The following RNF44 variants were observed in gnomAD, a reference collection of about 807,000 sequenced individuals.
The protein encoded by RNF44 is ring finger protein 44.
Under a neutral mutation model 53.6 loss-of-function variants are expected in RNF44, and 25 were observed. The ratio of observed to expected loss-of-function variants is 0.47; its 90% CI spans 0.34 to 0.65. The LOEUF is 0.65. RNF44 is among the 30% of genes least tolerant of loss of function. The pLI is 0.01. For synonymous variants in RNF44, 282 were observed against 252.2 expected, an observed-to-expected ratio of 1.12 and a Z score of -1.12; for missense variants, 581 against 595.5, an observed-to-expected ratio of 0.98 and a Z score of 0.25.
At position 176,528,930 on chromosome 5, in the gene RNF44, G is replaced by A. The variant is rs1195768449; in HGVS notation, c.*98C>T. ...CTGGAAATGCAGGCAGGAGCGAAGG[G>A]GCAGGCCTGGGCCACTCCCTCCCCA... On this transcript the variant is annotated 3_prime_UTR_variant, in exon 11 of 11. Coordinates refer to ENST00000274811, the MANE Select transcript of RNF44 (RefSeq NM_014901.5). The A allele has an allele frequency of 3.4e-6, 4 of 1,169,534 alleles. No homozygotes were observed. In the East Asian group the frequency reaches 7.2e-5, roughly 21 times the overall value. 72.4% of individuals were successfully genotyped at this position (1,169,534 alleles called of 1,614,324 possible). A position where few individuals can be genotyped will look rare whatever the true frequency, so the allele number is the denominator to read the frequency against.
intron 1 of RNF44, 22 bp from the exon 2 acceptor site, chr5:176,532,538 A>G (rs1756793008): frequency 2.0e-6 from 3 of 1,464,576 alleles, no homozygotes; most frequent in Non-Finnish European, 2.7e-6. Flanking sequence ...GGAGACAAGA[A>G]GACTGAGGCA....
chr5:176,531,070 G>A lies in RNF44; in HGVS notation c.466-49C>T. On this transcript the variant is annotated intron_variant, in intron 4 of 10. Coordinates refer to ENST00000274811, the MANE Select transcript of RNF44 (RefSeq NM_014901.5). This position sits in a 1 kb window ranked among gnomAD's most constrained non-coding sequence, Gnocchi z 4.2. ...CTGAGAACGTTCTCCTGGGCTCTGGGCCAGGTCTACGCCATGCCACCCAGC... is the reference window on the plus strand; with the variant it reads ...CTGAGAACGTTCTCCTGGGCTCTGGACCAGGTCTACGCCATGCCACCCAGC... The A allele has an allele frequency of 2.2e-6, 3 of 1,353,958 alleles. No homozygotes were observed. Among genetic ancestry groups the A allele is most frequent in the Non-Finnish European group, 2.9e-6 (3 of 1,026,986 alleles). The allele number at this position is 1,353,958 out of a possible 1,614,324, so 83.9% of individuals were successfully genotyped here. A position where few individuals can be genotyped will look rare whatever the true frequency, so the allele number is the denominator to read the frequency against.
rs1756362491 is a variant in RNF44 at position 176,529,546 on chromosome 5, G to A, written c.1113C>T (p.Asp371=). ...ACAGCGTCTGCTCCGACTGATGGCTGTCCGGGTTAAAGCGGTACGACGGGA... is the reference window on the plus strand; with the variant it reads ...ACAGCGTCTGCTCCGACTGATGGCTATCCGGGTTAAAGCGGTACGACGGGA... ...EQLPSYRFNP[D]SHQSEQTLCV... The change falls in exon 9 of 11, where the codon GAC becomes GAT. Residue 371 remains aspartate (D), a synonymous_variant. Transcript: ENST00000274811. The A allele has an allele frequency of 5.0e-6, 8 of 1,614,056 alleles. No homozygotes were observed. The highest frequency in any genetic ancestry group is 6.8e-6 in the Non-Finnish European group (8 of 1,180,038).
At chr5:176,540,165 C>T (rs1757416053), upstream of RNF44, among the ~76,000 whole-genome samples, 1 of 152,182 alleles carries the variant, frequency 6.6e-6, no homozygotes, top group Non-Finnish European at 1.5e-5. Flanking sequence ...GTGTGTCTCA[C>T]TCAGTAATTC....
chr5:176,532,580 T>C, intron 1 of RNF44, 64 bp from the exon 2 acceptor site: 1 of 1,373,728 alleles, frequency 7.3e-7, no homozygotes. Flanking sequence ...TCGTCTCTGC[T>C]AAAAATACAA....
At chr5:176,530,819 C>G (rs769063069) in intron 5 of RNF44, 29 bp downstream of exon 5, 22 of 1,455,192 alleles carry the variant, frequency 1.5e-5, no homozygotes, top group Non-Finnish European at 2.0e-5. Context: ...ACGCCATCTC[C>G]CTCCAGCATC....
In RNF44 at chr5:176,527,272, G is replaced by A. The variant is rs1431920991; in HGVS notation, c.*1756C>T. 6.6e-6 allele frequency: 1 copy of A among 152,356 alleles called. No individual in the cohort carries two copies. Among genetic ancestry groups the A allele is most frequent in the Admixed American group, 6.5e-5 (1 of 15,270 alleles). 9.4% of individuals were successfully genotyped at this position (152,356 alleles called of 1,614,324 possible). ...GGTCGGCAGATCACAAACATCCTAA[G>A]TAATTGTTGTATAAATCTTGTTTTT... On this transcript the variant is annotated 3_prime_UTR_variant, in exon 11 of 11. Coordinates refer to ENST00000274811, the MANE Select transcript of RNF44 (RefSeq NM_014901.5).
intron 1 of RNF44, among the ~76,000 whole-genome samples, chr5:176,535,594 G>A (rs1757078050): frequency 6.6e-6 from 1 of 152,124 alleles, no homozygotes; most frequent in Non-Finnish European, 1.5e-5. Flanking sequence ...GGCCTCCTAG[G>A]CCCAAACTCC....
intron 1 of RNF44, among the ~76,000 whole-genome samples, 197 bp downstream of exon 1, chr5:176,536,743 G>A (rs1251464419): frequency 6.6e-6 from 1 of 151,532 alleles, no homozygotes; most frequent in Non-Finnish European, 1.5e-5. Context: ...TCAGCTGCAG[G>A]AGAGGGGAGA....
chr5:176,528,658 G>GTAGAT lies in RNF44; in HGVS notation c.*369_*370insATCTA. The GTAGAT allele has an allele frequency of 3.7e-5, 11 of 298,230 alleles. No individual in the cohort carries two copies. The highest frequency in any genetic ancestry group is 1.6e-4 in the South Asian group (3 of 19,248). The allele number at this position is 298,230 out of a possible 1,614,324, so 18.5% of individuals were successfully genotyped here. On this transcript the variant is annotated 3_prime_UTR_variant, in exon 11 of 11. Coordinates refer to ENST00000274811, the MANE Select transcript of RNF44 (RefSeq NM_014901.5). ...ATGAGACCTTCTGACCCAGGATGGTGCTCTGTCTGCCCATCCTGGGGCCAA... is the reference window on the plus strand; with the variant it reads ...ATGAGACCTTCTGACCCAGGATGGTGTAGATCTCTGTCTGCCCATCCTGGGGCCAA...
At chr5:176,539,121 G>T (rs1207089854), upstream of RNF44, among the ~76,000 whole-genome samples, 1 of 152,204 alleles carries the variant, frequency 6.6e-6, no homozygotes, top group Admixed American at 6.5e-5. Context: ...GACCAGCAAT[G>T]ATCGTATCAC....
rs1756707469 is a variant in RNF44, at chr5:176,531,947, T to A, written c.297+57A>T. 6.6e-7 allele frequency: 1 copy of A among 1,515,496 alleles called. No individual in the cohort carries two copies. Among genetic ancestry groups the A allele is most frequent in the South Asian group, 1.3e-5 (1 of 79,206 alleles). The allele number at this position is 1,515,496 out of a possible 1,614,324, so 93.9% of individuals were successfully genotyped here. On this transcript the variant is annotated intron_variant, in intron 3 of 10. Transcript: ENST00000274811. This position sits in a 1 kb window ranked among gnomAD's most constrained non-coding sequence, Gnocchi z 4.2. The stretch of plus-strand genomic sequence containing the variant: ...TAGGTGAAATCTAGGCCTTGCTGCC[T>A]CTGCCTCTCAGACTGGCTCACAGGG...
intron 1 of RNF44, among the ~76,000 whole-genome samples, chr5:176,533,671 G>A (rs1347908659): frequency 6.6e-6 from 1 of 152,204 alleles, no homozygotes; most frequent in Non-Finnish European, 1.5e-5. Context: ...CCCGAGAGAG[G>A]AAGCTGAATA....
upstream of RNF44, among the ~76,000 whole-genome samples, chr5:176,539,406 A>G (rs780704603): frequency 1.3e-5 from 2 of 152,104 alleles, no homozygotes; most frequent in Non-Finnish European, 2.9e-5. Flanking sequence ...AACCCTCCCC[A>G]TGGCCGGGCA....
rs1361296710 is a variant in RNF44, at chr5:176,529,650, T to C, written c.1015-6A>G. 6.2e-7 allele frequency: 1 copy of C among 1,613,664 alleles called. No homozygotes were observed. The highest frequency in any genetic ancestry group is 1.7e-5 in the Admixed American group (1 of 59,996). On this transcript the variant is annotated splice_polypyrimidine_tract_variant and splice_region_variant and intron_variant, in intron 8 of 10. Coordinates refer to ENST00000274811, the MANE Select transcript of RNF44 (RefSeq NM_014901.5). The stretch of plus-strand genomic sequence containing the variant: ...TCGGCCAGGTTCAGGAGGGCCTGCA[T>C]GCGGGCAGGAGACGGGGTCAGCGGC...
At chr5:176,535,610 G>T (rs1371619035) in intron 1 of RNF44, among the ~76,000 whole-genome samples, 1 of 152,202 alleles carries the variant, frequency 6.6e-6, no homozygotes, top group Non-Finnish European at 1.5e-5. Context: ...ACTCCCCCAA[G>T]CCATAACTCC....
Position 176,532,236 on chromosome 5 carries a change from AC to A in RNF44, c.108-44del, listed in dbSNP as rs753759342. On this transcript the variant is annotated intron_variant, in intron 2 of 10. Coordinates refer to ENST00000274811, the MANE Select transcript of RNF44 (RefSeq NM_014901.5). ...GGCCCCGATAGGACTGAGGGGGGCC[AC>A]TCGTGCACAGAGCAGGGAGAGAAGC... 4.7e-6 allele frequency: 7 copies of A among 1,485,742 alleles called. No individual in the cohort carries two copies. The East Asian group carries it at 1.7e-4, about 36-fold the overall frequency. 92.0% of individuals were successfully genotyped at this position (1,485,742 alleles called of 1,614,324 possible). A position where few individuals can be genotyped will look rare whatever the true frequency, so the allele number is the denominator to read the frequency against.
rs1237315419 is a variant in RNF44, at chr5:176,531,480, A to G, written c.448T>C (p.Cys150Arg). The change falls in exon 4 of 11, where the codon TGC becomes CGC. Residue 150 changes from cysteine (C) to arginine (R), a missense_variant. Physicochemically the swap from Cys to Arg is radical, Grantham distance 180 (BLOSUM62 -3). Around this residue, in one of 3 missense-constraint regions of RNF44, gnomAD observed 387 missense variants for 366.0 expected, o/e 1.06. Coordinates refer to ENST00000274811, the MANE Select transcript of RNF44 (RefSeq NM_014901.5). This position sits in a 1 kb window ranked among gnomAD's most constrained non-coding sequence, Gnocchi z 4.2. ...TCACTCACCGGGGGCGGGAGGCAGC[A>G]GAGGGGGTAATGCTGCCCACTGAAC... ...VMFSGQHYPL[C>R]CLPPPLIQAC... 6.4e-7 allele frequency: 1 copy of G among 1,570,372 alleles called. No individual in the cohort carries two copies. Among genetic ancestry groups the G allele is most frequent in the South Asian group, 1.2e-5 (1 of 86,050 alleles).
At chr5:176,540,382 T>C (rs1757420588), upstream of RNF44, among the ~76,000 whole-genome samples, 1 of 152,152 alleles carries the variant, frequency 6.6e-6, no homozygotes, top group Non-Finnish European at 1.5e-5. Context: ...TCCTGTACTT[T>C]TAAGCCACCA....
Sources: allele counts gnomAD v4.1 joint callset (sites outside exome capture counted in the v4.1 genomes callset), GRCh38; gene constraint gnomAD v4.1.1; regional missense constraint gnomAD v4.1.1; non-coding constraint Gnocchi (gnomAD v3.1); transcripts MANE v1.5; gene names NCBI Gene and HGNC (gene_info 2026-07-23, HGNC 2026-07-21).